The following GNG7 variants were observed in gnomAD, a reference collection of about 807,000 sequenced individuals.
GNG7 encodes G protein subunit gamma 7, also known as guanine nucleotide-binding protein G(I)/G(S)/G(O) subunit gamma-7.
Under a neutral mutation model 4.0 loss-of-function variants are expected in GNG7, and 1 was observed. The ratio of observed to expected loss-of-function variants is 0.25; its 90% confidence interval spans 0.09 to 1.18. The LOEUF is 1.18. Ranked by LOEUF, GNG7 falls within the 50% of genes most tolerant of loss-of-function variation. The pLI, the probability that GNG7 is intolerant of heterozygous loss-of-function variation, is 0.50. For missense variants in GNG7, 86 were observed against 91.9 expected, an observed-to-expected ratio of 0.94 and a Z score of 0.26; for synonymous variants, 34 against 36.9, an observed-to-expected ratio of 0.92 and a Z score of 0.29.
At chr19:2,688,871 G>T (rs1041636763) in intron 1 of GNG7, among the ~76,000 whole-genome samples, 1 of 152,012 alleles carries the variant, frequency 6.6e-6, no homozygotes, top group Non-Finnish European at 1.5e-5. Context: ...TTCGAGACCA[G>T]CCTAGGCAAA....
At chr19:2,664,812 C>T (rs1335183148) in intron 1 of GNG7, among the ~76,000 whole-genome samples, 1 of 152,190 alleles carries the variant, frequency 6.6e-6, no homozygotes, top group Non-Finnish European at 1.5e-5. Context: ...TAGGGTGCAG[C>T]TGTCCCGGAC....
chr19:2,568,855 A>C (rs1980052006), intron 2 of GNG7, among the ~76,000 whole-genome samples: 1 of 151,980 alleles, frequency 6.6e-6, no homozygotes, highest in African/African-American at 2.4e-5. Flanking sequence ...AATACACACA[A>C]ATATACACAC....
At chr19:2,516,772 T>G (rs1972741612) in intron 4 of GNG7, among the ~76,000 whole-genome samples, 1 of 152,142 alleles carries the variant, frequency 6.6e-6, no homozygotes, top group Non-Finnish European at 1.5e-5. Flanking sequence ...GTCTCCATGT[T>G]TCTCTTGCAG....
intron 3 of GNG7, among the ~76,000 whole-genome samples, chr19:2,525,175 G>A (rs754473415): frequency 5.1e-4 from 78 of 152,084 alleles, no homozygotes; most frequent in Non-Finnish European, 1.0e-3. Context: ...ACCTGAATGA[G>A]CTTGCCTCGG....
intron 3 of GNG7, among the ~76,000 whole-genome samples, chr19:2,553,125 C>CAAAAAAAAAA (rs36098274): frequency 8.9e-6 from 1 of 112,402 alleles, no homozygotes; most frequent in Non-Finnish European, 1.8e-5. Flanking sequence ...AAAGCAAAAC[C>CAAAAAAAAAA]AAAAAAAAAA....
intron 1 of GNG7, among the ~76,000 whole-genome samples, chr19:2,697,024 A>G (rs1175610134): frequency 6.6e-6 from 1 of 151,634 alleles, no homozygotes; most frequent in Non-Finnish European, 1.5e-5. Flanking sequence ...TATTTTTACT[A>G]GCGACAGGGT....
chr19:2,572,957 G>A (rs113205577), intron 2 of GNG7, among the ~76,000 whole-genome samples: 97 of 150,016 alleles, frequency 6.5e-4, no homozygotes, highest in African/African-American at 2.2e-3. Flanking sequence ...AGTCACCCCC[G>A]TCTCCTCCAA....
At chr19:2,571,478 G>A (rs546507995) in intron 2 of GNG7, among the ~76,000 whole-genome samples, 29 of 152,078 alleles carry the variant, frequency 1.9e-4, no homozygotes, top group African/African-American at 6.3e-4. Flanking sequence ...GTTAGGCCAC[G>A]TTGCATTTCT....
At chr19:2,689,428 G>A (rs1913082966) in intron 1 of GNG7, among the ~76,000 whole-genome samples, 1 of 151,634 alleles carries the variant, frequency 6.6e-6, no homozygotes, top group Non-Finnish European at 1.5e-5. Flanking sequence ...TTCGAGACCA[G>A]CCTGGCCATC....
At position 2,617,042 on chromosome 19, in the gene GNG7, C is replaced by T. The variant is rs1484661595; in HGVS notation, c.-78+29182G>A. On this transcript the variant is annotated intron_variant, in intron 2 of 4. Transcript: ENST00000382159. The surrounding 1 kb of genome is among the most constrained non-coding windows in gnomAD (Gnocchi z 4.7). ...AGCCTTCCACCAGTGTGCTGCCCAG[C>T]ACGTGACTATCGGAAAAACTTTAGC... Among the ~76,000 whole-genome samples the T allele has an allele frequency of 2.0e-5, 3 of 152,224 alleles. No homozygotes were observed. Among genetic ancestry groups the T allele is most frequent in the African/African-American group, 7.2e-5 (3 of 41,454 alleles).
At chr19:2,670,766 A>C (rs1434491417) in intron 1 of GNG7, among the ~76,000 whole-genome samples, 3 of 151,522 alleles carry the variant, frequency 2.0e-5, no homozygotes, top group Non-Finnish European at 4.4e-5. Flanking sequence ...GCCCCCCACA[A>C]GTTGTGACAA....
At chr19:2,525,386 CG>C (rs1475162534) in intron 3 of GNG7, among the ~76,000 whole-genome samples, 1 of 152,226 alleles carries the variant, frequency 6.6e-6, no homozygotes, top group Admixed American at 6.5e-5. Flanking sequence ...CGCCCGGCCC[CG>C]CGCTGGCCTC....
intron 3 of GNG7, among the ~76,000 whole-genome samples, chr19:2,526,189 C>A (rs1978389771): frequency 6.6e-6 from 1 of 151,696 alleles, no homozygotes; most frequent in African/African-American, 2.4e-5. Flanking sequence ...CCAGGATGGT[C>A]TCGATCTCCT....
At chr19:2,615,217 A>G (rs1366621938) in intron 2 of GNG7, among the ~76,000 whole-genome samples, 2 of 150,232 alleles carry the variant, frequency 1.3e-5, no homozygotes, top group African/African-American at 2.5e-5. Flanking sequence ...GCTGGAGTGC[A>G]GTGGCGCGAT....
rs1160239331 is a variant in GNG7, at chr19:2,512,067, C to T, written c.*2955G>A. 10 of 985,866 alleles carry T rather than the reference C, an allele frequency of 1.0e-5. No individual in the cohort carries two copies. The highest frequency in any genetic ancestry group is 1.1e-5 in the Non-Finnish European group (9 of 829,946). 61.1% of individuals were successfully genotyped at this position (985,866 alleles called of 1,614,324 possible). The stretch of plus-strand genomic sequence containing the variant: ...GAGAAACGGCCTTCTCTCTCCCACC[C>T]GACGCTGCCTTGTGTGTGTGCGTGG... On this transcript the variant is annotated 3_prime_UTR_variant, in exon 5 of 5. Transcript: ENST00000382159. The surrounding 1 kb of genome is among the most constrained non-coding windows in gnomAD (Gnocchi z 4.7).
chr19:2,670,440 AC>A (rs1983422853), intron 1 of GNG7, among the ~76,000 whole-genome samples: 1 of 152,224 alleles, frequency 6.6e-6, no homozygotes, highest in East Asian at 1.9e-4. Context: ...CTGCAGGCAC[AC>A]AGGTCACCCT....
rs1982873796 is a variant in GNG7, at chr19:2,653,119, AAAT to A, written c.-134-6842_-134-6840del. Among the ~76,000 whole-genome samples, 1 of 152,158 alleles carries A rather than the reference AAAT, an allele frequency of 6.6e-6. No individual in the cohort carries two copies. Among genetic ancestry groups the A allele is most frequent in the South Asian group, 2.1e-4 (1 of 4,828 alleles). ...TAAATAAATCAAAATAAAATAAAAT[AAAT>A]AATAGAAACTGAAAACAAAAACCAG... is the stretch of plus-strand genomic sequence containing the variant. On this transcript the variant is annotated intron_variant, in intron 1 of 4. Coordinates refer to ENST00000382159, the MANE Select transcript of GNG7 (RefSeq NM_052847.3). This position sits in a 1 kb window ranked among gnomAD's most constrained non-coding sequence, Gnocchi z 4.8.
chr19:2,550,226 G>C (rs548289899), intron 3 of GNG7, among the ~76,000 whole-genome samples: 1 of 152,162 alleles, frequency 6.6e-6, no homozygotes, highest in Admixed American at 6.5e-5. Flanking sequence ...CCTCCTTGCT[G>C]GCTTATTTTG....
chr19:2,581,065 T>G (rs770042884), intron 2 of GNG7, among the ~76,000 whole-genome samples: 1 of 152,102 alleles, frequency 6.6e-6, no homozygotes, highest in Non-Finnish European at 1.5e-5. Context: ...GCGCCCGGCC[T>G]CTGCCTGGTT....
Sources: allele counts gnomAD v4.1 joint callset (sites outside exome capture counted in the v4.1 genomes callset), GRCh38; gene constraint gnomAD v4.1.1; non-coding constraint Gnocchi (gnomAD v3.1); transcripts MANE v1.5; gene names NCBI Gene and HGNC (gene_info 2026-07-23, HGNC 2026-07-21).